Variants in LRRC57 observed in about 807,000 individuals in gnomAD.
LRRC57 encodes the protein leucine-rich repeat-containing protein 57.
In LRRC57, 14 loss-of-function variants were observed where a neutral mutation model predicts 23.1. That is an observed-to-expected ratio of 0.61 (90% CI 0.40 to 0.95). The LOEUF is 0.95. Ranked by LOEUF, LRRC57 falls within the 40% of genes least tolerant of loss-of-function variation. The pLI, the probability that LRRC57 is intolerant of heterozygous loss-of-function variation, is 0.00. For missense variants in LRRC57, 236 were observed against 284.4 expected, an observed-to-expected ratio of 0.83 and a Z score of 1.22; for synonymous variants, 106 against 115.2, an observed-to-expected ratio of 0.92 and a Z score of 0.51.
At chr15:42,534,732 T>C (rs1185711135), downstream of LRRC57, among the ~76,000 whole-genome samples, 2 of 152,234 alleles carry the variant, frequency 1.3e-5, no homozygotes, top group African/African-American at 2.4e-5. Flanking sequence ...ATTAATCTTG[T>C]ACATCTTCAT....
chr15:42,544,795 C>T (rs993332188), intron 5 of LRRC57, among the ~76,000 whole-genome samples: 3 of 132,978 alleles, frequency 2.3e-5, no homozygotes, highest in Admixed American at 1.5e-4. Flanking sequence ...CCAGCCTGGG[C>T]GACAGAGTGA....
In LRRC57 at chr15:42,541,106, T is replaced by C. The variant is rs563107667; in HGVS notation, c.*2977A>G. On this transcript the variant is annotated 3_prime_UTR_variant, in exon 6 of 6. Transcript: ENST00000397130. ...TGATAAAACACAGAAATGTTAATTG[T>C]TCAGTAGATCAATAAGATTAATAAA... 140 of 152,264 alleles carry C rather than the reference T, an allele frequency of 9.2e-4. 1 individual carries two copies. Among genetic ancestry groups the C allele is most frequent in the African/African-American group, 3.1e-3 (130 of 41,546 alleles). The allele number at this position is 152,264 out of a possible 1,614,324, so 9.4% of individuals were successfully genotyped here.
chr15:42,534,184 G>GCCAC (rs2057588050), downstream of LRRC57, among the ~76,000 whole-genome samples: 3 of 152,202 alleles, frequency 2.0e-5, no homozygotes, highest in African/African-American at 7.2e-5. Context: ...AGGCTGGAGT[G>GCCAC]CAGTGGCGTG....
rs987047440 is a variant in LRRC57, at chr15:42,548,737, G to A, written c.-67C>T. On this transcript the variant is annotated 5_prime_UTR_variant, in exon 1 of 6. Coordinates refer to ENST00000397130, the MANE Select transcript of LRRC57 (RefSeq NM_153260.3). Reference sequence around the variant, plus strand: ...GTAAGGCTCCGCAGGTGAAGACCCAGGACCCGCAGTAGCCGGGATGCGCTC... The same window carrying A: ...GTAAGGCTCCGCAGGTGAAGACCCAAGACCCGCAGTAGCCGGGATGCGCTC... 2 of 675,542 alleles carry A rather than the reference G, an allele frequency of 3.0e-6. No homozygotes were observed. Among genetic ancestry groups the A allele is most frequent in the African/African-American group, 1.8e-5 (1 of 55,382 alleles). 41.8% of individuals were successfully genotyped at this position (675,542 alleles called of 1,614,324 possible). A position where few individuals can be genotyped will look rare whatever the true frequency, so the allele number is the denominator to read the frequency against.
the LRRC57 span, chr15:42,529,625 T>TTTA: frequency 6.3e-7 from 1 of 1,587,108 alleles, no homozygotes; most frequent in Non-Finnish European, 8.6e-7. Context: ...AATCCAGACT[T>TTTA]TTATTTAAAT....
the LRRC57 span, among the ~76,000 whole-genome samples, chr15:42,530,593 T>A: frequency 6.6e-6 from 1 of 151,838 alleles, no homozygotes; most frequent in African/African-American, 2.4e-5. Context: ...ACTAAAAAAA[T>A]TTAAAAATTG....
Position 42,547,285 on chromosome 15 carries a change from G to A in LRRC57, c.468C>T (p.Ile156=), listed in dbSNP as rs376323537. The change falls in exon 4 of 6, where the codon ATC becomes ATT. Residue 156 remains isoleucine, a synonymous_variant. Transcript: ENST00000397130. ...IPDSVGELQV[I]ELNLNQNQIS... is the part of the protein sequence containing the mutation. Reference sequence around the variant, plus strand: ...CCTGATTCTGGTTGAGGTTGAGTTCGATGACTTGCAGCTCTCCCACTGAGT... The same window carrying A: ...CCTGATTCTGGTTGAGGTTGAGTTCAATGACTTGCAGCTCTCCCACTGAGT... 64 of 1,613,982 alleles carry A rather than the reference G, an allele frequency of 4.0e-5. No individual in the cohort carries two copies. Among genetic ancestry groups the A allele is most frequent in the Admixed American group, 1.3e-4 (8 of 60,000 alleles).
At chr15:42,531,146 C>A in the LRRC57 span, among the ~76,000 whole-genome samples, 1 of 152,140 alleles carries the variant, frequency 6.6e-6, no homozygotes, top group Non-Finnish European at 1.5e-5. Context: ...ATCCCAGTTT[C>A]AGGCATGTTA....
In LRRC57 at chr15:42,546,787, T is replaced by A. The variant is rs1275863765; in HGVS notation, c.492+474A>T. On this transcript the variant is annotated intron_variant, in intron 4 of 5. Coordinates refer to ENST00000397130, the MANE Select transcript of LRRC57 (RefSeq NM_153260.3). ...TATCTCCAGAAAGCCTATCACTTAA[T>A]ATTCTTCAGCAAAAGGAGACACACT... is the stretch of plus-strand genomic sequence containing the variant. 2.6e-5 allele frequency among the ~76,000 whole-genome samples: 4 copies of A among 152,198 alleles called. No homozygotes were observed. The South Asian group carries it at 8.3e-4, about 31-fold the overall frequency.
intron 3 of LRRC57, 101 bp downstream of exon 3, chr15:42,548,005 C>T (rs2057670903): frequency 7.9e-7 from 1 of 1,269,184 alleles, no homozygotes; most frequent in African/African-American, 1.5e-5. Flanking sequence ...CTTGAGCCCT[C>T]CTGCACGGTT....
the LRRC57 span, chr15:42,531,489 G>A: frequency 1.3e-6 from 2 of 1,591,130 alleles, no homozygotes; most frequent in Non-Finnish European, 1.7e-6. Flanking sequence ...AGCTACTGCT[G>A]TTCTTCTTTA....
chr15:42,532,387 G>A, the LRRC57 span: 1 of 151,752 alleles, frequency 6.6e-6, no homozygotes, highest in South Asian at 2.1e-4. Flanking sequence ...GCCTGGCTGA[G>A]TTTTCTTAAA....
rs1271914398 is a variant in LRRC57, at chr15:42,539,619, A to G, written c.*4464T>C. On this transcript the variant is annotated 3_prime_UTR_variant, in exon 6 of 6. Transcript: ENST00000397130. ...CAGGCAACACAGCAAGATCTGTCGC[A>G]AAAAAAGAAAAAAAAAATTAGGTGA... is the stretch of plus-strand genomic sequence containing the variant. 6.6e-6 allele frequency: 1 copy of G among 152,026 alleles called. No individual in the cohort carries two copies. The highest frequency in any genetic ancestry group is 1.5e-5 in the Non-Finnish European group (1 of 68,028). 9.4% of individuals were successfully genotyped at this position (152,026 alleles called of 1,614,324 possible).
At position 42,543,767 on chromosome 15, in the gene LRRC57, C is replaced by T; in HGVS notation, c.*316G>A. ...GGAGCTATTCTGTTACCAGGCAGCA[C>T]CCCCTCACCATATAAATAGCAGCTA... On this transcript the variant is annotated 3_prime_UTR_variant, in exon 6 of 6. Transcript: ENST00000397130. The T allele has an allele frequency of 3.8e-6, 1 of 263,692 alleles. No individual in the cohort carries two copies. The highest frequency in any genetic ancestry group is 6.8e-5 in the East Asian group (1 of 14,752). 16.3% of individuals were successfully genotyped at this position (263,692 alleles called of 1,614,324 possible).
rs1595538525 is a variant in LRRC57 at position 42,543,643 on chromosome 15, A to G, written c.*440T>C. ...TGCCAGCCTCTCACAAATTATCTGA[A>G]TTTCATAAAAATATGAAGTGTTAAC... On this transcript the variant is annotated 3_prime_UTR_variant, in exon 6 of 6. Coordinates refer to ENST00000397130, the MANE Select transcript of LRRC57 (RefSeq NM_153260.3). 1 of 156,750 alleles carries G rather than the reference A, an allele frequency of 6.4e-6. No homozygotes were observed. The highest frequency in any genetic ancestry group is 1.9e-4 in the East Asian group (1 of 5,404). 9.7% of individuals were successfully genotyped at this position (156,750 alleles called of 1,614,324 possible).
At chr15:42,531,759 G>A in the LRRC57 span, 7 of 250,612 alleles carry the variant, frequency 2.8e-5, no homozygotes, top group East Asian at 7.2e-5. Context: ...ACTTCAGCAG[G>A]TTCTTTTGCT....
At chr15:42,545,336 A>G (rs2057654187) in intron 4 of LRRC57, 74 bp from the exon 5 acceptor site, 1 of 1,029,682 alleles carries the variant, frequency 9.7e-7, no homozygotes, top group Non-Finnish European at 1.3e-6. Flanking sequence ...ACATTAAAAC[A>G]AAACAAAAAT....
the LRRC57 span, chr15:42,529,661 T>C: frequency 8.1e-6 from 13 of 1,610,856 alleles, no homozygotes; most frequent in African/African-American, 1.6e-4. Context: ...GAATTAACTG[T>C]CTTCTTGTGA....
chr15:42,531,533 G>A, the LRRC57 span: 2 of 1,361,156 alleles, frequency 1.5e-6, no homozygotes, highest in Non-Finnish European at 2.1e-6. Context: ...CTCCTTGAAA[G>A]TTATTACCTT....
Sources: gnomAD v4.1 joint callset for allele counts (sites outside exome capture counted in the v4.1 genomes callset) on GRCh38, gnomAD v4.1.1 for gene constraint, MANE v1.5 for transcripts, NCBI Gene and HGNC (gene_info 2026-07-23, HGNC 2026-07-21) for gene names.